Variants in LYST observed in about 807,000 individuals in gnomAD.
LYST encodes the protein lysosomal-trafficking regulator.
In LYST, 192 loss-of-function variants were observed where a neutral mutation model predicts 413.6. The ratio of observed to expected loss-of-function variants is 0.46; its 90% CI spans 0.41 to 0.52. The LOEUF (loss-of-function observed/expected upper bound fraction) is 0.52. Among genes scored for constraint, LYST ranks in the 20% least tolerant of loss-of-function variants. LYST has a pLI of 0.00. For missense variants in LYST, 3,815 were observed against 4,499.9 expected, an observed-to-expected ratio of 0.85 and a Z score of 4.35; for synonymous variants, 1,525 against 1,567.3, an observed-to-expected ratio of 0.97 and a Z score of 0.64.
intron 14 of LYST, 40 bp from the exon 15 acceptor site, chr1:235,782,127 G>A: frequency 6.5e-7 from 1 of 1,544,870 alleles, no homozygotes; most frequent in Non-Finnish European, 8.9e-7. Context: ...AATGACTTTA[G>A]GAAGTCTAGT....
rs201095810 is a variant in LYST, at chr1:235,759,548, C to A, written c.6305G>T (p.Arg2102Leu). ...AGGGAATGCTGGTAGGCTTCTAGAA[C>A]GCAGCATATGGGCGGCCATCTGTTG... ...IPQQMAAHMLRSRSLPAFPTS... is the reference protein window; with the variant it reads ...IPQQMAAHMLLSRSLPAFPTS... Residue 2102 changes from arginine to leucine, a missense_variant, in exon 23 of 53, where the codon CGT becomes CTT. Coordinates refer to ENST00000389793, the MANE Select transcript of LYST (RefSeq NM_000081.4). The A allele has an allele frequency of 6.2e-7, 1 of 1,613,506 alleles. No homozygotes were observed.
At chr1:235,714,348 A>G (rs555147370) in intron 42 of LYST, among the ~76,000 whole-genome samples, 1 of 152,288 alleles carries the variant, frequency 6.6e-6, no homozygotes, top group African/African-American at 2.4e-5. Flanking sequence ...GAGAGAGAGA[A>G]AGGGAACAGG....
chr1:235,774,056 A>G (rs1353911092), intron 18 of LYST, 65 bp from the exon 19 acceptor site: 2 of 1,068,096 alleles, frequency 1.9e-6, no homozygotes, highest in Admixed American at 1.8e-5. Context: ...TTCAACAGAA[A>G]CATTAAGCTT....
chr1:235,701,229 C>A (rs939544406), intron 45 of LYST, among the ~76,000 whole-genome samples: 1 of 152,200 alleles, frequency 6.6e-6, no homozygotes, highest in Non-Finnish European at 1.5e-5. Context: ...AGCAGACATA[C>A]TGCTCAGATA....
chr1:235,677,653 C>T (rs1209232573), intron 48 of LYST, 34 bp from the exon 49 acceptor site: 2 of 1,577,956 alleles, frequency 1.3e-6, no homozygotes, highest in East Asian at 2.2e-5. Context: ...AGATAAAAAC[C>T]ACAACAAAAA....
At chr1:235,834,411 T>A (rs1558317355) in intron 1 of LYST, among the ~76,000 whole-genome samples, 2 of 151,538 alleles carry the variant, frequency 1.3e-5, no homozygotes, top group African/African-American at 2.4e-5. Flanking sequence ...TATTTTTATT[T>A]AAAAAAAAAT....
At chr1:235,845,641 T>C (rs1025770483) in intron 1 of LYST, among the ~76,000 whole-genome samples, 1 of 113,122 alleles carries the variant, frequency 8.8e-6, no homozygotes, top group Non-Finnish European at 1.8e-5. Flanking sequence ...TCCCGGCAGT[T>C]AGGGGGGACA....
intron 50 of LYST, among the ~76,000 whole-genome samples, chr1:235,665,210 G>A (rs1658330973): frequency 6.6e-6 from 1 of 152,276 alleles, no homozygotes; most frequent in South Asian, 2.1e-4. Context: ...TTGTGTAATT[G>A]TAATATTTCA....
intron 1 of LYST, among the ~76,000 whole-genome samples, chr1:235,866,226 G>C (rs1054455991): frequency 6.6e-6 from 1 of 152,192 alleles, no homozygotes; most frequent in South Asian, 2.1e-4. Context: ...ACCGGAGACA[G>C]ACGGCAGATG....
At position 235,770,277 on chromosome 1, in the gene LYST, CAA is replaced by C; in HGVS notation, c.5803_5804del (p.Leu1935AlafsTer18). ...SKAEQGVWET[L>X]LAALEVLIRA... ...TGATGAGGACTTCTAGAGCTGCTAG[CAA>C]AGTTTCCCAAACACCTTGCTGAAGA... On this transcript the variant is annotated frameshift_variant, in exon 20 of 53. Transcript: ENST00000389793. LOFTEE classifies it high-confidence loss of function. 6.2e-7 allele frequency: 1 copy of C among 1,613,732 alleles called. No homozygotes were observed. Among genetic ancestry groups the C allele is most frequent in the African/African-American group, 1.3e-5 (1 of 75,008 alleles).
chr1:235,726,621 C>G (rs2103187202), intron 38 of LYST, among the ~76,000 whole-genome samples: 1 of 152,156 alleles, frequency 6.6e-6, no homozygotes, highest in Non-Finnish European at 1.5e-5. Context: ...AAGGATCTTT[C>G]AATCTATTGA....
chr1:235,851,642 ATT>A (rs1678557880), intron 1 of LYST, among the ~76,000 whole-genome samples: 1 of 152,016 alleles, frequency 6.6e-6, no homozygotes. Flanking sequence ...TAGGAATATT[ATT>A]TTTATATATT....
chr1:235,771,917 G>GTTTTTTTTTT (rs1215590592), intron 19 of LYST, among the ~76,000 whole-genome samples: 9 of 72,704 alleles, frequency 1.2e-4, no homozygotes, highest in Middle Eastern at 0.011. Context: ...TTTTTAGTTT[G>GTTTTTTTTTT]TTTTTTTTTT....
intron 3 of LYST, among the ~76,000 whole-genome samples, chr1:235,817,639 C>T (rs2102932480): frequency 6.6e-6 from 1 of 152,248 alleles, no homozygotes; most frequent in South Asian, 2.1e-4. Context: ...TGCATGTTCT[C>T]ACTTTATAAG....
chr1:235,789,726 G>C (rs1670802165), intron 12 of LYST, among the ~76,000 whole-genome samples: 1 of 152,174 alleles, frequency 6.6e-6, no homozygotes, highest in South Asian at 2.1e-4. Flanking sequence ...TAAGGTCACT[G>C]ATTATTTTGA....
At chr1:235,793,647 G>T in intron 10 of LYST, 35 bp from the exon 11 acceptor site, 1 of 1,105,970 alleles carries the variant, frequency 9.0e-7, no homozygotes, top group Non-Finnish European at 1.4e-6. Flanking sequence ...ATTAAAGCTA[G>T]TACACAATTA....
intron 3 of LYST, among the ~76,000 whole-genome samples, chr1:235,823,621 T>C (rs1227358911): frequency 1.3e-5 from 2 of 152,244 alleles, no homozygotes; most frequent in Non-Finnish European, 2.9e-5. Flanking sequence ...AATCCCCGTT[T>C]TACCAAAAGC....
At position 235,766,255 on chromosome 1, in the gene LYST, G is replaced by A. The variant is rs146591126; in HGVS notation, c.5945C>T (p.Thr1982Ile). Residue 1982 changes from threonine (T) to isoleucine (I), a missense_variant, in exon 21 of 53, where the codon ACA (threonine) becomes ATA (isoleucine). Around this residue, in one of 4 missense-constraint regions of LYST, gnomAD observed 530 missense variants for 696.5 expected, o/e 0.76. Coordinates refer to ENST00000389793, the MANE Select transcript of LYST (RefSeq NM_000081.4). The part of the protein sequence containing the change: ...VLQEYKEGQL[T>I]PMPREVCRSF... ...TCTACAAACCTCTCGGGGCATGGGT[G>A]TGAGTTGCCCCTCTTTGTATTCCTG... 15,278 of 1,610,604 alleles carry A rather than the reference G, an allele frequency of 9.5e-3. 83 individuals are homozygous for A. Among genetic ancestry groups the A allele is most frequent in the Non-Finnish European group, 0.012 (13,995 of 1,178,290 alleles).
intron 1 of LYST, among the ~76,000 whole-genome samples, chr1:235,879,551 A>C (rs1222608881): frequency 1.3e-5 from 2 of 152,222 alleles, no homozygotes; most frequent in Non-Finnish European, 2.9e-5. Context: ...ATTTTACTCC[A>C]GATACATAGT....
Sources: gnomAD v4.1 joint callset for allele counts (sites outside exome capture counted in the v4.1 genomes callset) on GRCh38, gnomAD v4.1.1 for gene constraint, gnomAD v4.1.1 regional missense constraint, MANE v1.5 for transcripts, NCBI Gene and HGNC (gene_info 2026-07-23, HGNC 2026-07-21) for gene names.